DUSP13A: variants seen among roughly 807,000 people sequenced by gnomAD.
DUSP13A encodes the protein dual specificity protein phosphatase 13A.
At chr10:75,107,717 T>C in the DUSP13A span, among the ~76,000 whole-genome samples, 2 of 152,128 alleles carry the variant, frequency 1.3e-5, no homozygotes, top group African/African-American at 4.8e-5. Flanking sequence ...GCTGAGATTA[T>C]AGGTGGGTGC....
chr10:75,106,726 A>G, the DUSP13A span, among the ~76,000 whole-genome samples: 14 of 152,360 alleles, frequency 9.2e-5, 1 homozygote, highest in South Asian at 2.5e-3. Context: ...CCTGCTTCTT[A>G]AAGTCTGGAT....
the DUSP13A span, among the ~76,000 whole-genome samples, chr10:75,106,035 AGATCAACACCTGTTCTGCCTACCCTTGG>A: frequency 2.0e-5 from 3 of 151,794 alleles, no homozygotes; most frequent in African/African-American, 7.3e-5. Flanking sequence ...TAAAATGGGT[AGATCAACACCTGTTCTGCCTACCCTTGG>A]GATAGGGTCC....
chr10:75,108,781 G>A, the DUSP13A span, among the ~76,000 whole-genome samples: 1 of 152,124 alleles, frequency 6.6e-6, no homozygotes, highest in Non-Finnish European at 1.5e-5. Context: ...TGGAACTCCT[G>A]GGAGACTCCC....
chr10:75,106,552 G>A, the DUSP13A span, among the ~76,000 whole-genome samples: 7 of 152,052 alleles, frequency 4.6e-5, no homozygotes, highest in African/African-American at 1.7e-4. Flanking sequence ...ATTACCCATG[G>A]ATACCTTTGT....
the DUSP13A span, chr10:75,105,685 C>A: frequency 6.5e-7 from 1 of 1,549,454 alleles, no homozygotes; most frequent in Non-Finnish European, 8.7e-7. Flanking sequence ...CTGGCCGGCA[C>A]CCCGCAGTTG....
At chr10:75,106,685 G>A in the DUSP13A span, among the ~76,000 whole-genome samples, 3 of 152,222 alleles carry the variant, frequency 2.0e-5, no homozygotes, top group Non-Finnish European at 2.9e-5. Context: ...CAATTTGGCT[G>A]TCTTTCCACC....
the DUSP13A span, chr10:75,105,690 C>T: frequency 6.5e-7 from 1 of 1,550,036 alleles, no homozygotes; most frequent in South Asian, 1.2e-5. Flanking sequence ...CGGCACCCCG[C>T]AGTTGCTGGT....
At chr10:75,108,271 G>A in the DUSP13A span, 1 of 1,528,852 alleles carries the variant, frequency 6.5e-7, no homozygotes, top group Non-Finnish European at 8.7e-7. Flanking sequence ...GGGAGGCTGT[G>A]CCTGGCCCCC....
chr10:75,108,424 T>C, the DUSP13A span: 1 of 822,250 alleles, frequency 1.2e-6, no homozygotes, highest in Admixed American at 3.3e-5. Context: ...GGGGGATCTT[T>C]AGACCCTCTT....
At chr10:75,108,099 C>G in the DUSP13A span, 1 of 1,613,872 alleles carries the variant, frequency 6.2e-7, no homozygotes, top group Non-Finnish European at 8.5e-7. Context: ...GTAGCTCACA[C>G]TGCTGCCGTA....
chr10:75,105,710 A>G, the DUSP13A span: 1 of 1,552,824 alleles, frequency 6.4e-7, no homozygotes, highest in Admixed American at 1.9e-5. Context: ...TCCAGCCTGC[A>G]GAGCTGGTGC....
chr10:75,108,153 T>C, the DUSP13A span: 17 of 1,612,892 alleles, frequency 1.1e-5, no homozygotes, highest in South Asian at 3.3e-5. Context: ...GTGGGCGGCG[T>C]TCAGCACGTG....
the DUSP13A span, among the ~76,000 whole-genome samples, chr10:75,107,345 A>AG: frequency 6.6e-6 from 1 of 150,762 alleles, no homozygotes; most frequent in Admixed American, 6.6e-5. Flanking sequence ...ACTCTGTCTC[A>AG]GAAAAAAAAA....
At chr10:75,107,840 G>T in the DUSP13A span, among the ~76,000 whole-genome samples, 2 of 152,198 alleles carry the variant, frequency 1.3e-5, no homozygotes. Flanking sequence ...GCCTCCCAAA[G>T]TGCTAGGATT....
At chr10:75,106,032 G>C in the DUSP13A span, among the ~76,000 whole-genome samples, 1 of 152,076 alleles carries the variant, frequency 6.6e-6, no homozygotes, top group Non-Finnish European at 1.5e-5. Flanking sequence ...CGGTAAAATG[G>C]GTAGATCAAC....
chr10:75,105,875 A>C, the DUSP13A span: 150 of 1,545,334 alleles, frequency 9.7e-5, no homozygotes, highest in Non-Finnish European at 1.2e-4. Context: ...TTGGCTGAGG[A>C]AGACATCCTG....
the DUSP13A span, chr10:75,108,223 G>T: frequency 1.3e-6 from 2 of 1,584,156 alleles, no homozygotes; most frequent in South Asian, 2.3e-5. Context: ...GGGAGGGCAG[G>T]AAGGGCACTT....
At chr10:75,105,876 A>G in the DUSP13A span, 1 of 1,545,332 alleles carries the variant, frequency 6.5e-7, no homozygotes, top group Non-Finnish European at 8.7e-7. Flanking sequence ...TGGCTGAGGA[A>G]GACATCCTGG....
chr10:75,106,286 T>A, the DUSP13A span, among the ~76,000 whole-genome samples: 1 of 151,948 alleles, frequency 6.6e-6, no homozygotes, highest in South Asian at 2.1e-4. Context: ...TGTCGCCTCA[T>A]CTCAGATTGT....
Sources: allele counts gnomAD v4.1 joint callset (sites outside exome capture counted in the v4.1 genomes callset), GRCh38; gene constraint gnomAD v4.1.1; transcripts MANE v1.5; gene names NCBI Gene and HGNC (gene_info 2026-07-23, HGNC 2026-07-21).